Variants in GSG1L observed in about 807,000 individuals in gnomAD.
GSG1L encodes the protein germ cell-specific gene 1-like protein.
Under a neutral mutation model 42.1 loss-of-function variants are expected in GSG1L, and 24 were observed. The ratio of observed to expected loss-of-function variants is 0.57; its 90% confidence interval spans 0.41 to 0.80. The LOEUF (loss-of-function observed/expected upper bound fraction) is 0.80, where lower values mean the gene tolerates loss of function less well. Ranked by LOEUF, GSG1L falls within the 30% of genes least tolerant of loss-of-function variation. The pLI is 0.00. For missense variants in GSG1L, 445 were observed against 472.2 expected (o/e 0.94, Z 0.53); for synonymous variants, 215 against 203.5 (o/e 1.06, Z -0.48).
chr16:27,919,722 T>C (rs1405743328), intron 2 of GSG1L, among the ~76,000 whole-genome samples: 1 of 152,160 alleles, frequency 6.6e-6, no homozygotes, highest in Non-Finnish European at 1.5e-5. Context: ...GATGGAGACA[T>C]GGGTGCCCAA....
chr16:27,914,794 TGGG>T (rs986031236), intron 2 of GSG1L, among the ~76,000 whole-genome samples: 1 of 152,098 alleles, frequency 6.6e-6, no homozygotes, highest in Non-Finnish European at 1.5e-5. Flanking sequence ...ATATAAATCA[TGGG>T]AAAAGGATAC....
At chr16:27,829,366 T>C (rs1478825770) in intron 4 of GSG1L, among the ~76,000 whole-genome samples, 1 of 152,134 alleles carries the variant, frequency 6.6e-6, no homozygotes, top group Admixed American at 6.6e-5. Context: ...CAGGGAATGT[T>C]CTACAAACTG....
chr16:28,020,145 T>G (rs1275539713), intron 1 of GSG1L, among the ~76,000 whole-genome samples: 2 of 152,204 alleles, frequency 1.3e-5, no homozygotes, highest in Admixed American at 1.3e-4. Flanking sequence ...TCAATGCCTG[T>G]TCCCAAAGAG....
chr16:27,917,837 G>A (rs1475466364), intron 2 of GSG1L, among the ~76,000 whole-genome samples: 2 of 152,026 alleles, frequency 1.3e-5, no homozygotes, highest in African/African-American at 4.8e-5. Context: ...CGGAGGACTC[G>A]GTCCTTTTCT....
intron 2 of GSG1L, among the ~76,000 whole-genome samples, chr16:27,885,513 C>G (rs550623814): frequency 4.6e-5 from 7 of 152,284 alleles, no homozygotes; most frequent in Non-Finnish European, 8.8e-5. Context: ...GTCACCTACA[C>G]TTTTATCTGC....
intron 2 of GSG1L, among the ~76,000 whole-genome samples, chr16:27,958,544 T>A (rs1392269264): frequency 6.6e-6 from 1 of 152,234 alleles, no homozygotes; most frequent in Non-Finnish European, 1.5e-5. Flanking sequence ...ATCAAATATA[T>A]GTATGTACAT....
chr16:27,982,050 T>C (rs1453900482), intron 1 of GSG1L, among the ~76,000 whole-genome samples: 1 of 152,158 alleles, frequency 6.6e-6, no homozygotes, highest in Admixed American at 6.5e-5. Flanking sequence ...AGTGATCTTC[T>C]GTAGTATGGA....
At chr16:27,842,749 T>C (rs1489299036) in intron 4 of GSG1L, among the ~76,000 whole-genome samples, 1 of 152,030 alleles carries the variant, frequency 6.6e-6, no homozygotes. Context: ...GAGCAGAGAG[T>C]GGAGATGGAG....
chr16:27,914,939 T>C (rs1023200156), intron 2 of GSG1L, among the ~76,000 whole-genome samples: 19 of 152,044 alleles, frequency 1.2e-4, no homozygotes, highest in Non-Finnish European at 2.5e-4. Flanking sequence ...CAGGTGACAT[T>C]CTTCTGCCTA....
At chr16:27,871,330 G>A (rs2083817839) in intron 3 of GSG1L, among the ~76,000 whole-genome samples, 1 of 152,122 alleles carries the variant, frequency 6.6e-6, no homozygotes, top group Non-Finnish European at 1.5e-5. Flanking sequence ...CCAGGGAATT[G>A]GGCACAGACA....
At chr16:27,828,050 TCATC>T (rs57317132) in intron 5 of GSG1L, among the ~76,000 whole-genome samples, 32,853 of 130,900 alleles carry the variant, frequency 0.25, 4,118 homozygotes, top group Admixed American at 0.39. Flanking sequence ...ATCCACCCAA[TCATC>T]CATCCATCCA....
chr16:27,929,194 G>A (rs748962708), intron 2 of GSG1L, among the ~76,000 whole-genome samples: 1 of 152,262 alleles, frequency 6.6e-6, no homozygotes, highest in African/African-American at 2.4e-5. Flanking sequence ...AGGGACAGAC[G>A]GTGACATCAT....
chr16:27,823,693 AC>A (rs916602400), intron 5 of GSG1L, among the ~76,000 whole-genome samples: 1 of 151,554 alleles, frequency 6.6e-6, no homozygotes, highest in African/African-American at 2.4e-5. Flanking sequence ...CTCTCACCTC[AC>A]CTGCCCCTCC....
chr16:27,870,183 TTCTC>T (rs563382660), intron 3 of GSG1L, among the ~76,000 whole-genome samples: 3 of 128,380 alleles, frequency 2.3e-5, no homozygotes, highest in East Asian at 2.7e-4. Context: ...CCCTCTCTCC[TTCTC>T]TCTCTGTCTC....
intron 1 of GSG1L, among the ~76,000 whole-genome samples, chr16:27,996,214 A>C (rs2085512972): frequency 6.6e-6 from 1 of 152,090 alleles, no homozygotes; most frequent in Admixed American, 6.6e-5. Context: ...TACTTGTAGA[A>C]CCCATATCTG....
chr16:28,008,098 T>C (rs1419856350), intron 1 of GSG1L, among the ~76,000 whole-genome samples: 1 of 151,982 alleles, frequency 6.6e-6, no homozygotes, highest in Non-Finnish European at 1.5e-5. Flanking sequence ...TTTTGTTTTT[T>C]TAGAGATTGA....
intron 6 of GSG1L, among the ~76,000 whole-genome samples, chr16:27,797,033 T>G (rs1031758557): frequency 6.6e-6 from 1 of 152,210 alleles, no homozygotes; most frequent in African/African-American, 2.4e-5. Flanking sequence ...TTCCTGTCCA[T>G]GGACTCATTT....
chr16:27,949,793 T>C (rs1248936938), intron 2 of GSG1L, among the ~76,000 whole-genome samples: 2 of 151,614 alleles, frequency 1.3e-5, no homozygotes, highest in Admixed American at 6.6e-5. Context: ...GTTGCGGTGG[T>C]GGGCGCCTGT....
At chr16:27,794,561 G>A (rs911994093) in intron 6 of GSG1L, among the ~76,000 whole-genome samples, 6 of 151,880 alleles carry the variant, frequency 4.0e-5, no homozygotes, top group African/African-American at 1.5e-4. Flanking sequence ...TCAATCTCCT[G>A]ACCTCGTGAT....
Sources: gnomAD v4.1 joint callset for allele counts (sites outside exome capture counted in the v4.1 genomes callset) on GRCh38, gnomAD v4.1.1 for gene constraint, MANE v1.5 for transcripts, NCBI Gene and HGNC (gene_info 2026-07-23, HGNC 2026-07-21) for gene names.